Variants in IL16 observed in about 807,000 individuals in gnomAD.
IL16 encodes pro-interleukin-16.
In IL16, 67 loss-of-function variants were observed where a neutral mutation model predicts 110.1. The ratio of observed to expected loss-of-function variants is 0.61; its 90% CI spans 0.50 to 0.75. The LOEUF (loss-of-function observed/expected upper bound fraction) is 0.75, where lower values mean the gene tolerates loss of function less well. Ranked by LOEUF, IL16 falls within the 30% of genes least tolerant of loss-of-function variation. IL16 has a pLI of 0.00. For missense variants in IL16, 1,545 were observed against 1,655.0 expected (o/e 0.93, Z 1.15); for synonymous variants, 689 against 662.9 (o/e 1.04, Z -0.61).
At chr15:81,234,913 C>G (rs557108973) in intron 2 of IL16, among the ~76,000 whole-genome samples, 1 of 152,330 alleles carries the variant, frequency 6.6e-6, no homozygotes, top group Admixed American at 6.5e-5. Flanking sequence ...ATTTCTTGGA[C>G]TCCTCAGAGT....
At chr15:81,204,729 A>C (rs536763801) in intron 1 of IL16, among the ~76,000 whole-genome samples, 1 of 150,842 alleles carries the variant, frequency 6.6e-6, no homozygotes, top group African/African-American at 2.5e-5. Context: ...CTAAAACTTA[A>C]AGTATAATAA....
In IL16 at chr15:81,279,766, T is replaced by C; in HGVS notation, c.1073T>C (p.Leu358Pro). The change falls in exon 8 of 19, where the codon CTG becomes CCG. Residue 358 changes from leucine (L) to proline (P), a missense_variant. By Grantham distance (98) the Leu-to-Pro change is moderately conservative. Coordinates refer to ENST00000683961, the MANE Select transcript of IL16 (RefSeq NM_172217.5). ...TACAGAATCATGGTGGAGGTTTCTC[T>C]GCAGAAAGGTAGGAGTGCTGCAGCT... ...PNYRIMVEVS[L>P]QKEAGVGLGI... 1 of 1,614,112 alleles carries C rather than the reference T, an allele frequency of 6.2e-7. No individual in the cohort carries two copies. Among genetic ancestry groups the C allele is most frequent in the Non-Finnish European group, 8.5e-7 (1 of 1,179,944 alleles).
chr15:81,290,014 T>C (rs1053130270), intron 10 of IL16: 4 of 384,960 alleles, frequency 1.0e-5, no homozygotes, highest in Admixed American at 3.7e-5. Flanking sequence ...GGACTCATAC[T>C]CTTAACTATT....
intron 8 of IL16, among the ~76,000 whole-genome samples, chr15:81,280,114 C>G (rs1007480311): frequency 6.6e-6 from 1 of 152,184 alleles, no homozygotes; most frequent in African/African-American, 2.4e-5. Context: ...GGCAGGCCAC[C>G]TTCCCTTCCC....
chr15:81,272,345 C>T (rs983731197), intron 5 of IL16, among the ~76,000 whole-genome samples: 35 of 152,360 alleles, frequency 2.3e-4, no homozygotes, highest in Admixed American at 1.8e-3. Context: ...CCTCCCTTCT[C>T]TTCCTGCTGT....
At chr15:81,220,269 G>A (rs1896569282) in intron 1 of IL16, among the ~76,000 whole-genome samples, 1 of 152,132 alleles carries the variant, frequency 6.6e-6, no homozygotes, top group African/African-American at 2.4e-5. Flanking sequence ...TGAGTAGTTG[G>A]GACCACAGGC....
chr15:81,204,389 C>G (rs1226573999), intron 1 of IL16, among the ~76,000 whole-genome samples: 2 of 152,138 alleles, frequency 1.3e-5, no homozygotes, highest in Non-Finnish European at 2.9e-5. Context: ...GAGGGCTTCC[C>G]TGTCTTGTGC....
chr15:81,246,747 C>T (rs1371032483), intron 2 of IL16, among the ~76,000 whole-genome samples: 3 of 152,216 alleles, frequency 2.0e-5, no homozygotes, highest in African/African-American at 7.2e-5. Flanking sequence ...TTCTGGAATT[C>T]GTATTCTAGG....
chr15:81,248,028 C>T (rs557036705), intron 2 of IL16, among the ~76,000 whole-genome samples: 2 of 152,112 alleles, frequency 1.3e-5, no homozygotes, highest in South Asian at 2.1e-4. Flanking sequence ...CTTAAGGAGT[C>T]GGTTAAAAAT....
intron 13 of IL16, 148 bp from the exon 14 acceptor site, chr15:81,299,232 C>T: frequency 7.6e-7 from 1 of 1,309,792 alleles, no homozygotes; most frequent in Non-Finnish European, 1.1e-6. Flanking sequence ...GGTAATAGCA[C>T]CTGGAGTTCA....
At chr15:81,230,634 A>G (rs1453601491) in intron 2 of IL16, among the ~76,000 whole-genome samples, 1 of 152,114 alleles carries the variant, frequency 6.6e-6, no homozygotes, top group African/African-American at 2.4e-5. Flanking sequence ...TCAGCCAGAG[A>G]ATGAGTAGTG....
chr15:81,265,975 A>C (rs1381997481), intron 4 of IL16, among the ~76,000 whole-genome samples, 174 bp downstream of exon 4: 1 of 146,966 alleles, frequency 6.8e-6, no homozygotes, highest in Admixed American at 6.6e-5. Context: ...TGGGCTGAGA[A>C]CCGCATTAGA....
At position 81,292,732 on chromosome 15, in the gene IL16, C is replaced by G; in HGVS notation, c.1597C>G (p.Pro533Ala). ...GSPGSGSAEKPSSDVDISTHS... is the reference protein window; with the variant it reads ...GSPGSGSAEKASSDVDISTHS... Reference sequence around the variant, plus strand: ...TCCTGGGAGTGGCAGTGCTGAGAAGCCGTCCTCTGACGTGGACATCAGCAC... The same window carrying G: ...TCCTGGGAGTGGCAGTGCTGAGAAGGCGTCCTCTGACGTGGACATCAGCAC... Residue 533 changes from proline to alanine, a missense_variant, in exon 12 of 19, where the codon CCG becomes GCG. Around this residue, in one of 3 missense-constraint regions of IL16, gnomAD observed 1,185 missense variants for 1,238.8 expected, o/e 0.96. Transcript: ENST00000683961. 1 of 1,614,204 alleles carries G rather than the reference C, an allele frequency of 6.2e-7. No homozygotes were observed. Among genetic ancestry groups the G allele is most frequent in the Non-Finnish European group, 8.5e-7 (1 of 1,180,032 alleles).
chr15:81,243,621 G>A (rs561019647), intron 2 of IL16, among the ~76,000 whole-genome samples: 1 of 152,108 alleles, frequency 6.6e-6, no homozygotes, highest in Non-Finnish European at 1.5e-5. Flanking sequence ...GGAAAAGACT[G>A]TGTACAATTT....
rs1226070903 is a variant in IL16 at position 81,312,574 on chromosome 15, C to A, written c.*3776C>A. On this transcript the variant is annotated 3_prime_UTR_variant, in exon 19 of 19. Transcript: ENST00000683961. ...CTGCAGATTTGGGCTGGAACAGATT[C>A]ACACTGTCTGGTTTCACCGAGGACA... 9.9e-5 allele frequency: 15 copies of A among 152,224 alleles called. No homozygotes were observed. The highest frequency in any genetic ancestry group is 9.8e-4 in the Admixed American group (15 of 15,290). 9.4% of individuals were successfully genotyped at this position (152,224 alleles called of 1,614,324 possible).
chr15:81,285,916 G>A (rs1899430144), intron 10 of IL16, 86 bp downstream of exon 10: 1 of 1,428,576 alleles, frequency 7.0e-7, no homozygotes, highest in Non-Finnish European at 9.7e-7. Flanking sequence ...AAACAGAGAT[G>A]TTGCTGGCTG....
At chr15:81,294,944 A>G (rs1469788670) in intron 12 of IL16, among the ~76,000 whole-genome samples, 4 of 152,104 alleles carry the variant, frequency 2.6e-5, no homozygotes, top group African/African-American at 7.2e-5. Context: ...TCTTTTCTCT[A>G]CAGGGTCCCA....
chr15:81,254,684 C>T (rs1339076718), intron 2 of IL16, among the ~76,000 whole-genome samples: 1 of 152,192 alleles, frequency 6.6e-6, no homozygotes, highest in Non-Finnish European at 1.5e-5. Context: ...GACAAATCCT[C>T]AGCTCTGACA....
intron 2 of IL16, among the ~76,000 whole-genome samples, chr15:81,239,091 A>T (rs994550344): frequency 2.6e-5 from 4 of 151,220 alleles, no homozygotes; most frequent in African/African-American, 9.7e-5. Context: ...TTTAATTATG[A>T]TGTATCTAGT....
Sources: gnomAD v4.1 joint callset for allele counts (sites outside exome capture counted in the v4.1 genomes callset) on GRCh38, gnomAD v4.1.1 for gene constraint, gnomAD v4.1.1 regional missense constraint, MANE v1.5 for transcripts, NCBI Gene and HGNC (gene_info 2026-07-23, HGNC 2026-07-21) for gene names.